Variants in SHROOM4 observed in about 807,000 individuals in gnomAD.
The protein encoded by SHROOM4 is shroom family member 4, also known as protein Shroom4.
Under a neutral mutation model 80.3 loss-of-function variants are expected in SHROOM4, and 17 were observed. The observed-to-expected ratio is 0.21, with a 90% CI of 0.14 to 0.32. The LOEUF (loss-of-function observed/expected upper bound fraction) is 0.32. Ranked by LOEUF, SHROOM4 falls within the 10% of genes least tolerant of loss-of-function variation. The pLI is 1.00. For missense variants in SHROOM4, 993 were observed against 1,140.3 expected, an observed-to-expected ratio of 0.87 and a Z score of 1.86; for synonymous variants, 400 against 437.5, an observed-to-expected ratio of 0.91 and a Z score of 1.07.
At chrX:50,707,480 T>C (rs1933705923) in intron 1 of SHROOM4, among the ~76,000 whole-genome samples, 1 of 111,813 alleles carries the variant, frequency 8.9e-6, no homozygotes, top group South Asian at 3.8e-4. Flanking sequence ...CAATAAGTGA[T>C]AGTGAAGTTT....
intron 1 of SHROOM4, among the ~76,000 whole-genome samples, chrX:50,813,165 G>GCGA (rs1557273625): frequency 9.3e-6 from 1 of 107,840 alleles, no homozygotes; most frequent in African/African-American, 3.4e-5. Context: ...GGCAGTGGCG[G>GCGA]CGGCGGCGGC....
chrX:50,695,065 T>A (rs1405155102), intron 2 of SHROOM4, among the ~76,000 whole-genome samples: 1 of 111,422 alleles, frequency 9.0e-6, no homozygotes, highest in African/African-American at 3.3e-5. Flanking sequence ...GGTAGCAGAA[T>A]GACTGTGCCC....
At position 50,634,936 on chromosome X, in the gene SHROOM4, C is replaced by T. The variant is rs782451659; in HGVS notation, c.1137G>A (p.Val379=). ...SPKACDRASS[V]DSNPLNEASA... ...AAGCCTCATTGAGTGGGTTGGAATCCACGCTGGAAGCTCTGTCACAGGCTT... is the reference window on the plus strand; with the variant it reads ...AAGCCTCATTGAGTGGGTTGGAATCTACGCTGGAAGCTCTGTCACAGGCTT... The change falls in exon 4 of 9, where the codon GTG becomes GTA. Residue 379 remains valine (V), a synonymous_variant. Transcript: ENST00000376020. 77 of 1,209,314 alleles carry T rather than the reference C, an allele frequency of 6.4e-5. No homozygotes were observed.
chrX:50,590,472 G>T lies in SHROOM4; in HGVS notation c.*6223C>A, dbSNP rs1454509730. ...TCACCGTGTTAGCCAGGATGGTTGC[G>T]ATCTCCTGACCTCCTGATCCGCCCG... is the stretch of plus-strand genomic sequence containing the variant. On this transcript the variant is annotated 3_prime_UTR_variant, in exon 9 of 9. Coordinates refer to ENST00000376020, the MANE Select transcript of SHROOM4 (RefSeq NM_020717.5). Among the ~76,000 whole-genome samples, 1 of 110,689 alleles carries T rather than the reference G, an allele frequency of 9.0e-6. No homozygotes were observed. The highest frequency in any genetic ancestry group is 3.3e-5 in the African/African-American group (1 of 30,376).
intron 1 of SHROOM4, among the ~76,000 whole-genome samples, chrX:50,743,498 C>T (rs1557267399): frequency 9.0e-6 from 1 of 110,888 alleles, no homozygotes; most frequent in Non-Finnish European, 1.9e-5. Context: ...CTCTATCACC[C>T]AGGCTAGAGT....
At chrX:50,660,858 C>T (rs968023422) in intron 2 of SHROOM4, among the ~76,000 whole-genome samples, 1 of 109,679 alleles carries the variant, frequency 9.1e-6, no homozygotes, top group African/African-American at 3.3e-5. Flanking sequence ...CACAAGCAAT[C>T]CTCCTGCTTT....
Position 50,703,456 on chromosome X carries a change from C to T in SHROOM4, c.118-7519G>A, listed in dbSNP as rs148864883. Among the ~76,000 whole-genome samples the T allele has an allele frequency of 4.8e-3, 539 of 111,943 alleles. 5 individuals are homozygous for T. The highest frequency in any genetic ancestry group is 0.017 in the African/African-American group (525 of 30,855). Reference sequence around the variant, plus strand: ...CATCAGGCTGTTGTCACACAGGCAACTAGCCTTTCCTCAGGCACCATTACT... The same window carrying T: ...CATCAGGCTGTTGTCACACAGGCAATTAGCCTTTCCTCAGGCACCATTACT... On this transcript the variant is annotated intron_variant, in intron 1 of 8. Coordinates refer to ENST00000376020, the MANE Select transcript of SHROOM4 (RefSeq NM_020717.5).
intron 1 of SHROOM4, among the ~76,000 whole-genome samples, chrX:50,779,476 C>T (rs1470895496): frequency 3.6e-5 from 4 of 112,103 alleles, no homozygotes; most frequent in Non-Finnish European, 7.5e-5. Context: ...CATTCAGTGA[C>T]TTAAACATGA....
intron 3 of SHROOM4, 55 bp from the exon 4 acceptor site, chrX:50,635,723 T>C: frequency 9.0e-7 from 1 of 1,105,520 alleles, no homozygotes. Context: ...AGCCCTACTA[T>C]AGGAGAGGGC....
At chrX:50,773,374 T>A (rs1557269867) in intron 1 of SHROOM4, among the ~76,000 whole-genome samples, 1 of 112,061 alleles carries the variant, frequency 8.9e-6, no homozygotes, top group African/African-American at 3.2e-5. Flanking sequence ...TTATTCACCA[T>A]GAGGTCATCT....
rs144065617 is a variant in SHROOM4 at position 50,743,167 on chromosome X, C to T, written c.118-47230G>A. ...AGTACTTCCTTACTTCCTGGCACTA[C>T]GAGATTCTCCAGACTCATGTAGTTC... is the stretch of plus-strand genomic sequence containing the variant. On this transcript the variant is annotated intron_variant, in intron 1 of 8. Coordinates refer to ENST00000376020, the MANE Select transcript of SHROOM4 (RefSeq NM_020717.5). 9.6e-3 allele frequency among the ~76,000 whole-genome samples: 1,021 copies of T among 106,311 alleles called. 11 individuals are homozygous for T. The highest frequency in any genetic ancestry group is 0.033 in the African/African-American group (947 of 28,950). 92.3% of individuals were successfully genotyped at this position (106,311 alleles called of 115,157 possible). A position where few individuals can be genotyped will look rare whatever the true frequency, so the allele number is the denominator to read the frequency against.
intron 5 of SHROOM4, among the ~76,000 whole-genome samples, chrX:50,610,333 T>TTCTCTC (rs781880088): frequency 4.3e-5 from 4 of 92,665 alleles, no homozygotes; most frequent in Admixed American, 1.2e-4. Context: ...ACCTGGCATA[T>TTCTCTC]TCTCTCTCTC....
chrX:50,809,465 A>T (rs1557273242), intron 1 of SHROOM4, among the ~76,000 whole-genome samples: 1 of 112,664 alleles, frequency 8.9e-6, no homozygotes. Flanking sequence ...TAGGCTAAGG[A>T]TGGCAAACAC....
chrX:50,795,600 T>C (rs945289470), intron 1 of SHROOM4, among the ~76,000 whole-genome samples: 9 of 111,755 alleles, frequency 8.1e-5, no homozygotes, highest in Middle Eastern at 4.6e-3. Context: ...AGGTAAGATT[T>C]AGTCAGGTAG....
rs782562014 is a variant in SHROOM4 at position 50,633,488 on chromosome X, G to T, written c.2585C>A (p.Ala862Glu). The change falls in exon 4 of 9, where the codon GCA becomes GAA. Residue 862 changes from alanine (A) to glutamate (E), a missense_variant. By Grantham distance (107) the Ala-to-Glu change is moderately radical (BLOSUM62 -1). Transcript: ENST00000376020. ...CATGGAATTTTCTAGACCTTTGCTT[G>T]CAAAACATTCTGAGTAAGTGGGAGT... ...SETPTYSECF[A>E]SKGLENSMCC... 14 of 1,209,967 alleles carry T rather than the reference G, an allele frequency of 1.2e-5. No individual in the cohort carries two copies. The highest frequency in any genetic ancestry group is 1.5e-5 in the Non-Finnish European group (13 of 895,269).
At chrX:50,798,714 GAGA>G (rs1329354225) in intron 1 of SHROOM4, among the ~76,000 whole-genome samples, 2 of 111,493 alleles carry the variant, frequency 1.8e-5, no homozygotes, top group Non-Finnish European at 3.8e-5. Flanking sequence ...AAGTAGAGAT[GAGA>G]AGATTAGAGA....
chrX:50,729,162 A>G (rs1384796410), intron 1 of SHROOM4, among the ~76,000 whole-genome samples: 1 of 112,185 alleles, frequency 8.9e-6, no homozygotes, highest in Non-Finnish European at 1.9e-5. Context: ...TAGGAAGAAA[A>G]GCAGGCAAAA....
chrX:50,584,447 C>T (rs781894239), downstream of SHROOM4, among the ~76,000 whole-genome samples: 2 of 111,588 alleles, frequency 1.8e-5, no homozygotes, highest in Non-Finnish European at 3.8e-5. Flanking sequence ...GCTTTGAAAC[C>T]TATCAAAATG....
chrX:50,799,326 T>TGAGAG (rs1936073451), intron 1 of SHROOM4, among the ~76,000 whole-genome samples: 1 of 112,241 alleles, frequency 8.9e-6, no homozygotes, highest in Non-Finnish European at 1.9e-5. Context: ...GTGGGTGAAC[T>TGAGAG]CTCCAACAGT....
Sources: gnomAD v4.1 joint callset for allele counts (sites outside exome capture counted in the v4.1 genomes callset) on GRCh38, gnomAD v4.1.1 for gene constraint, MANE v1.5 for transcripts, NCBI Gene and HGNC (gene_info 2026-07-23, HGNC 2026-07-21) for gene names.